RABGAP1L: variants seen among roughly 807,000 people sequenced by gnomAD.
The protein encoded by RABGAP1L is RAB GTPase activating protein 1 like, also known as rab GTPase-activating protein 1-like.
A neutral mutation model predicts 137.7 loss-of-function variants in RABGAP1L; 63 were observed. That is an observed-to-expected ratio of 0.46 (90% CI 0.37 to 0.56). RABGAP1L has a LOEUF of 0.56. Ranked by LOEUF, RABGAP1L falls within the 20% of genes least tolerant of loss-of-function variation. RABGAP1L has a pLI of 0.00. For synonymous variants in RABGAP1L, 431 were observed against 433.7 expected, an observed-to-expected ratio of 0.99 and a Z score of 0.08; for missense variants, 1,095 against 1,244.0, an observed-to-expected ratio of 0.88 and a Z score of 1.80.
chr1:174,360,217 T>G (rs1231063231), intron 11 of RABGAP1L, among the ~76,000 whole-genome samples: 2 of 147,302 alleles, frequency 1.4e-5, no homozygotes, highest in Non-Finnish European at 3.0e-5. Context: ...TTTTGTTTCA[T>G]ATAGCAATAG....
chr1:174,617,987 T>C (rs745435139), intron 13 of RABGAP1L, among the ~76,000 whole-genome samples: 1 of 152,160 alleles, frequency 6.6e-6, no homozygotes, highest in African/African-American at 2.4e-5. Context: ...GGCACACCTT[T>C]AGATTATAGC....
chr1:174,844,604 A>G (rs1262747473), intron 19 of RABGAP1L, among the ~76,000 whole-genome samples: 2 of 133,558 alleles, frequency 1.5e-5, no homozygotes, highest in African/African-American at 5.7e-5. Context: ...TGGTACCAGT[A>G]CCATGCTGTT....
chr1:174,264,139 G>T lies in RABGAP1L; in HGVS notation c.987-8275G>T, dbSNP rs184839549. 1.2e-3 allele frequency among the ~76,000 whole-genome samples: 178 copies of T among 151,716 alleles called. 1 individual carries two copies. Among genetic ancestry groups the T allele is most frequent in the African/African-American group, 4.2e-3 (174 of 41,376 alleles). ...GTCTTATAGGTGAAATTTTGTATTT[G>T]TGCTTTAAATATTTGATTTTTAAAA... is the stretch of plus-strand genomic sequence containing the variant. On this transcript the variant is annotated intron_variant, in intron 7 of 25. Coordinates refer to ENST00000681986, the MANE Select transcript of RABGAP1L (RefSeq NM_001366446.1).
At chr1:174,893,951 A>T (rs1327618284) in intron 19 of RABGAP1L, among the ~76,000 whole-genome samples, 1 of 152,138 alleles carries the variant, frequency 6.6e-6, no homozygotes, top group Non-Finnish European at 1.5e-5. Flanking sequence ...GCATTAAGGT[A>T]CCTTCAAAAC....
At position 174,376,764 on chromosome 1, in the gene RABGAP1L, A is replaced by G. The variant is rs1685581569; in HGVS notation, c.1559+5692A>G. On this transcript the variant is annotated intron_variant, in intron 12 of 25. Transcript: ENST00000681986. ...AAACCTGCAGCTAACATCTAACTTA[A>G]GAATGACAGATCCCAAAACTGGGAA... Among the ~76,000 whole-genome samples the G allele has an allele frequency of 3.3e-5, 5 of 152,212 alleles. 1 individual carries two copies. In the South Asian group the frequency reaches 8.3e-4, roughly 25 times the overall value.
At chr1:174,958,057 G>A in intron 20 of RABGAP1L, 1 of 1,525,706 alleles carries the variant, frequency 6.6e-7, no homozygotes, top group African/African-American at 1.4e-5. Flanking sequence ...TATCCACAAA[G>A]ACTTTTAGCA....
At chr1:174,417,899 G>C (rs1400527989) in intron 13 of RABGAP1L, among the ~76,000 whole-genome samples, 1 of 152,156 alleles carries the variant, frequency 6.6e-6, no homozygotes. Flanking sequence ...TAATGTGTCT[G>C]TGATTTCTAA....
intron 12 of RABGAP1L, among the ~76,000 whole-genome samples, chr1:174,384,948 T>C (rs921475739): frequency 2.0e-5 from 3 of 152,252 alleles, no homozygotes; most frequent in African/African-American, 4.8e-5. Flanking sequence ...TATTAGGTTA[T>C]ACATAGATTT....
chr1:174,217,402 A>T (rs1173558247), intron 1 of RABGAP1L, among the ~76,000 whole-genome samples: 2 of 152,216 alleles, frequency 1.3e-5, no homozygotes, highest in African/African-American at 2.4e-5. Context: ...TTCGTCCATG[A>T]CAATGACAGA....
intron 18 of RABGAP1L, among the ~76,000 whole-genome samples, chr1:174,788,507 C>T (rs1194763184): frequency 3.3e-5 from 5 of 152,214 alleles, no homozygotes; most frequent in African/African-American, 9.6e-5. Context: ...CTCATTTTCT[C>T]ACATTCGATT....
At position 174,451,437 on chromosome 1, in the gene RABGAP1L, G is replaced by C. The variant is rs1001846795; in HGVS notation, c.1710+57292G>C. On this transcript the variant is annotated intron_variant, in intron 13 of 25. Transcript: ENST00000681986. ...ATAACAATTATATGCCAGGCTCACTGTTCACTTTTACATGTGTTATACCTT... is the reference window on the plus strand; with the variant it reads ...ATAACAATTATATGCCAGGCTCACTCTTCACTTTTACATGTGTTATACCTT... Among the ~76,000 whole-genome samples, 19 of 152,284 alleles carry C rather than the reference G, an allele frequency of 1.2e-4. No individual in the cohort carries two copies. In the South Asian group the frequency reaches 2.9e-3, roughly 23 times the overall value.
chr1:174,521,088 A>G (rs1387321216), intron 13 of RABGAP1L, among the ~76,000 whole-genome samples: 1 of 152,228 alleles, frequency 6.6e-6, no homozygotes, highest in East Asian at 1.9e-4. Context: ...GTAATCTGAA[A>G]TATAGCAGTG....
chr1:174,391,733 A>C (rs1490697187), intron 12 of RABGAP1L, among the ~76,000 whole-genome samples: 1 of 152,220 alleles, frequency 6.6e-6, no homozygotes, highest in African/African-American at 2.4e-5. Context: ...GCTGATCTCT[A>C]TATAACATGT....
At chr1:174,496,374 A>T (rs1234534541) in intron 13 of RABGAP1L, among the ~76,000 whole-genome samples, 1 of 152,188 alleles carries the variant, frequency 6.6e-6, no homozygotes, top group Non-Finnish European at 1.5e-5. Context: ...TAATAGTGAA[A>T]ACAGTCAGTT....
intron 19 of RABGAP1L, among the ~76,000 whole-genome samples, chr1:174,884,143 C>CT (rs1473700031): frequency 6.6e-6 from 1 of 152,166 alleles, no homozygotes; most frequent in Non-Finnish European, 1.5e-5. Context: ...TAACACATGG[C>CT]TATACTATAT....
At chr1:174,371,985 A>C (rs1231742331) in intron 12 of RABGAP1L, among the ~76,000 whole-genome samples, 5 of 152,204 alleles carry the variant, frequency 3.3e-5, no homozygotes, top group Admixed American at 2.6e-4. Context: ...TCTGGAGATT[A>C]GGTTTATCAA....
chr1:174,759,338 T>C (rs989136867), intron 18 of RABGAP1L, among the ~76,000 whole-genome samples: 2 of 148,712 alleles, frequency 1.3e-5, no homozygotes, highest in Non-Finnish European at 3.0e-5. Context: ...CTCATGCCTG[T>C]AATCCCAGCA....
At chr1:174,780,742 C>G (rs961278113) in intron 18 of RABGAP1L, among the ~76,000 whole-genome samples, 2 of 128,252 alleles carry the variant, frequency 1.6e-5, no homozygotes, top group African/African-American at 6.0e-5. Context: ...CACAACAGTC[C>G]CCGGTGTGTG....
intron 13 of RABGAP1L, among the ~76,000 whole-genome samples, chr1:174,550,748 G>T (rs553569054): frequency 7.9e-4 from 119 of 149,714 alleles, no homozygotes; most frequent in Non-Finnish European, 1.4e-3. Flanking sequence ...AGCTGGGCGC[G>T]GTGGCTCACA....
Sources: gnomAD v4.1 joint callset for allele counts (sites outside exome capture counted in the v4.1 genomes callset) on GRCh38, gnomAD v4.1.1 for gene constraint, MANE v1.5 for transcripts, NCBI Gene and HGNC (gene_info 2026-07-23, HGNC 2026-07-21) for gene names.